Variants in USH2A observed in about 807,000 individuals in gnomAD.
USH2A encodes Usher syndrome 2A (autosomal recessive, mild).
In USH2A, 443 loss-of-function variants were observed where a neutral mutation model predicts 538.9. The observed-to-expected ratio is 0.82, with a 90% CI of 0.76 to 0.89. The LOEUF is 0.89. Ranked by LOEUF, USH2A falls within the 40% of genes least tolerant of loss-of-function variation. USH2A has a pLI of 0.00. For synonymous variants in USH2A, 2,413 were observed against 2,273.5 expected (o/e 1.06, Z -1.75); for missense variants, 6,633 against 6,324.8 (o/e 1.05, Z -1.65).
chr1:216,288,118 A>G (rs1166562437), intron 11 of USH2A, among the ~76,000 whole-genome samples: 1 of 152,120 alleles, frequency 6.6e-6, no homozygotes, highest in East Asian at 1.9e-4. Flanking sequence ...AATATGATAT[A>G]TCAATATTTG....
chr1:216,389,393 G>T lies in USH2A; in HGVS notation c.652-24308C>A, dbSNP rs187270888. Among the ~76,000 whole-genome samples the T allele has an allele frequency of 5.9e-3, 899 of 152,062 alleles. 11 individuals carry two copies. The highest frequency in any genetic ancestry group is 0.021 in the Admixed American group (325 of 15,268). On this transcript the variant is annotated intron_variant, in intron 3 of 71. Transcript: ENST00000307340. Reference sequence around the variant, plus strand: ...GAATCAGTCCTTCTATGATGTTGTTGGTTCAGTCTGGCCCAACATACTTTT... The same window carrying T: ...GAATCAGTCCTTCTATGATGTTGTTTGTTCAGTCTGGCCCAACATACTTTT...
chr1:215,931,037 G>C (rs1023907090), intron 38 of USH2A, among the ~76,000 whole-genome samples: 7 of 151,890 alleles, frequency 4.6e-5, no homozygotes, highest in Admixed American at 3.9e-4. Context: ...CAAAAAACTT[G>C]AGTGTGCAGA....
At position 215,674,865 on chromosome 1, in the gene USH2A, ATGCTGGTGGGTT is replaced by A. The variant is rs776227127; in HGVS notation, c.13034_13045del (p.Lys4345_Ser4348del). On this transcript the variant is annotated inframe_deletion, in exon 63 of 72. Coordinates refer to ENST00000307340, the MANE Select transcript of USH2A (RefSeq NM_206933.4). ...TGATGGAGCAGCCTCCAGAGTTGTGATGCTGGTGGGTTTGCTGGTGGAGCATCCTCCACTCGT... is the reference window on the plus strand; with the variant it reads ...TGATGGAGCAGCCTCCAGAGTTGTGATGCTGGTGGAGCATCCTCCACTCGT... 1 of 1,614,100 alleles carries A rather than the reference ATGCTGGTGGGTT, an allele frequency of 6.2e-7. No individual in the cohort carries two copies. Among genetic ancestry groups the A allele is most frequent in the Non-Finnish European group, 8.5e-7 (1 of 1,180,002 alleles).
chr1:215,744,198 C>G lies in USH2A; in HGVS notation c.11390-863G>C, dbSNP rs74144033. On this transcript the variant is annotated intron_variant, in intron 58 of 71. Coordinates refer to ENST00000307340, the MANE Select transcript of USH2A (RefSeq NM_206933.4). ...CATGAAATATCCAAATCATGGTCTA[C>G]CTAGAGAATTCCCAGTGCATTAATT... Among the ~76,000 whole-genome samples the G allele has an allele frequency of 3.0e-3, 453 of 152,274 alleles. 1 individual carries two copies. Among genetic ancestry groups the G allele is most frequent in the African/African-American group, 8.1e-3 (338 of 41,554 alleles).
chr1:216,195,267 T>A (rs564247223), intron 19 of USH2A, among the ~76,000 whole-genome samples: 1 of 152,254 alleles, frequency 6.6e-6, no homozygotes, highest in East Asian at 1.9e-4. Context: ...CGTAATACAT[T>A]GTGCAAGCAG....
intron 24 of USH2A, 175 bp from the exon 25 acceptor site, chr1:216,085,052 A>G (rs1262452508): frequency 7.7e-6 from 5 of 645,398 alleles, no homozygotes; most frequent in Non-Finnish European, 1.3e-5. Flanking sequence ...AAATGATAGC[A>G]ATTATAATGT....
In USH2A at chr1:215,623,399, C is replaced by G. The variant is rs1394130974; in HGVS notation, c.*2382G>C. ...TCCAGATTGTGGAACATCAGTGGGT[C>G]TCAACATTAGAACACCTGGAAGCTT... On this transcript the variant is annotated 3_prime_UTR_variant, in exon 72 of 72. Transcript: ENST00000307340. 6.6e-6 allele frequency: 1 copy of G among 152,056 alleles called. No individual in the cohort carries two copies. The highest frequency in any genetic ancestry group is 2.4e-5 in the African/African-American group (1 of 41,416). 9.4% of individuals were successfully genotyped at this position (152,056 alleles called of 1,614,324 possible).
chr1:216,031,066 C>A, intron 32 of USH2A, among the ~76,000 whole-genome samples: 1 of 151,950 alleles, frequency 6.6e-6, no homozygotes, highest in East Asian at 1.9e-4. Flanking sequence ...TTCTCTATAT[C>A]ATTTACAGCT....
chr1:215,993,169 TA>T lies in USH2A; in HGVS notation c.6658-3del, dbSNP rs1204577413. On this transcript the variant is annotated splice_region_variant and splice_polypyrimidine_tract_variant and intron_variant, in intron 34 of 71. Transcript: ENST00000307340. ...TGTGCACCCACCACCTGTGCAAGCC[TA>T]AACAGAGATGCAAAAATGCTCATTT... is the stretch of plus-strand genomic sequence containing the variant. The T allele has an allele frequency of 6.2e-7, 1 of 1,614,038 alleles. No homozygotes were observed. The highest frequency in any genetic ancestry group is 2.2e-5 in the East Asian group (1 of 44,854).
Position 216,199,970 on chromosome 1 carries a change from A to G in USH2A, c.3468T>C (p.Tyr1156=), listed in dbSNP as rs971867675. ...CAGAGTCTGAGCCAATAGGAATGATATAACTTAAAGTCAAGTTTCCCTCTG... is the reference window on the plus strand; with the variant it reads ...CAGAGTCTGAGCCAATAGGAATGATGTAACTTAAAGTCAAGTTTCCCTCTG... ...GVPEGNLTLS[Y]IIPIGSDSVT... Residue 1156 remains tyrosine, a synonymous_variant, in exon 17 of 72, where the codon TAT becomes TAC. Coordinates refer to ENST00000307340, the MANE Select transcript of USH2A (RefSeq NM_206933.4). 4 of 1,614,030 alleles carry G rather than the reference A, an allele frequency of 2.5e-6. No homozygotes were observed. Among genetic ancestry groups the G allele is most frequent in the South Asian group, 1.1e-5 (1 of 91,088 alleles).
chr1:216,196,628 T>C lies in USH2A; in HGVS notation c.4176A>G (p.Gly1392=). The C allele has an allele frequency of 1.9e-6, 3 of 1,613,668 alleles. No individual in the cohort carries two copies. Among genetic ancestry groups the C allele is most frequent in the Non-Finnish European group, 8.5e-7 (1 of 1,179,730 alleles). ...TATTGATGTCATACCCCACAACTTTTCCTCTTGTAACATTATCTGCTGGCT... is the reference window on the plus strand; with the variant it reads ...TATTGATGTCATACCCCACAACTTTCCCTCTTGTAACATTATCTGCTGGCT... The part of the protein sequence containing the change: ...WEKPADNVTR[G]KVVGYDINML... The change falls in exon 19 of 72, where the codon GGA becomes GGG. Residue 1392 remains glycine, a synonymous_variant. Coordinates refer to ENST00000307340, the MANE Select transcript of USH2A (RefSeq NM_206933.4).
At position 216,149,602 on chromosome 1, in the gene USH2A, G is replaced by A. The variant is rs111355953; in HGVS notation, c.4627+25650C>T. ...AGTCCATTTGAACTTTTATATGGAC[G>A]CACTTTCTTGCTTGGCCCCAACCTC... On this transcript the variant is annotated intron_variant, in intron 21 of 71. Coordinates refer to ENST00000307340, the MANE Select transcript of USH2A (RefSeq NM_206933.4). Among the ~76,000 whole-genome samples, 1,504 of 152,100 alleles carry A rather than the reference G, an allele frequency of 9.9e-3. 12 individuals are homozygous for A. Among genetic ancestry groups the A allele is most frequent in the South Asian group, 0.024 (115 of 4,804 alleles).
chr1:216,237,364 A>G (rs2035845279), intron 13 of USH2A, among the ~76,000 whole-genome samples: 1 of 152,062 alleles, frequency 6.6e-6, no homozygotes, highest in Non-Finnish European at 1.5e-5. Flanking sequence ...CTCACCCTCA[A>G]ATATTTGTTG....
At chr1:216,210,530 AC>A (rs2035217643) in intron 15 of USH2A, among the ~76,000 whole-genome samples, 3 of 151,880 alleles carry the variant, frequency 2.0e-5, no homozygotes. Flanking sequence ...AGAAGCAGGG[AC>A]CCCTCTTCTT....
In USH2A at chr1:215,766,758, G is replaced by A. The variant is rs1661141295; in HGVS notation, c.10970C>T (p.Thr3657Ile). The stretch of plus-strand genomic sequence containing the variant: ...CCCAGCAGATGTACAAGCTGTAAGA[G>A]TGAAGCTGTAGTTGGTGTATGGCTG... The part of the protein sequence containing the change: ...GLQPYTNYSF[T>I]LTACTSAGCT... The change falls in exon 56 of 72, where the codon ACT (threonine) becomes ATT (isoleucine). Residue 3657 changes from threonine (T) to isoleucine (I), a missense_variant. By Grantham distance (89) the Thr-to-Ile change is moderately conservative. Transcript: ENST00000307340. The A allele has an allele frequency of 6.2e-7, 1 of 1,613,664 alleles. No individual in the cohort carries two copies. Among genetic ancestry groups the A allele is most frequent in the Non-Finnish European group, 8.5e-7 (1 of 1,179,630 alleles).
At chr1:216,342,805 G>A (rs933053816) in intron 4 of USH2A, among the ~76,000 whole-genome samples, 1 of 152,050 alleles carries the variant, frequency 6.6e-6, no homozygotes, top group African/African-American at 2.4e-5. Context: ...CATGGACGAA[G>A]GGAGGGGAAC....
At chr1:216,403,868 TAGTG>T (rs1407285060) in intron 3 of USH2A, among the ~76,000 whole-genome samples, 11 of 152,134 alleles carry the variant, frequency 7.2e-5, no homozygotes, top group Non-Finnish European at 4.4e-5. Flanking sequence ...GTTCTCATGA[TAGTG>T]AGTGAGTTCT....
intron 37 of USH2A, among the ~76,000 whole-genome samples, chr1:215,938,842 A>G (rs573810302): frequency 2.6e-5 from 4 of 152,266 alleles, no homozygotes; most frequent in African/African-American, 9.6e-5. Context: ...CCAATATTCC[A>G]GGCACAACCT....
intron 4 of USH2A, among the ~76,000 whole-genome samples, chr1:216,358,235 C>T (rs2038424261): frequency 6.6e-6 from 1 of 152,056 alleles, no homozygotes; most frequent in Non-Finnish European, 1.5e-5. Flanking sequence ...GGTGCAGAAA[C>T]AGAGAACCAA....
Sources: gnomAD v4.1 joint callset for allele counts (sites outside exome capture counted in the v4.1 genomes callset) on GRCh38, gnomAD v4.1.1 for gene constraint, MANE v1.5 for transcripts, NCBI Gene and HGNC (gene_info 2026-07-23, HGNC 2026-07-21) for gene names.